ITPR2: variants seen among roughly 807,000 people sequenced by gnomAD.
ITPR2 encodes inositol 1,4,5-trisphosphate receptor type 2, also known as inositol 1,4,5-trisphosphate-gated calcium channel ITPR2.
ITPR2 carries 207 observed loss-of-function variants against 317.1 expected under a neutral mutation model. That is an observed-to-expected ratio of 0.65 (90% confidence interval 0.58 to 0.73). The LOEUF (loss-of-function observed/expected upper bound fraction) is 0.73. Among genes scored for constraint, ITPR2 ranks in the 30% least tolerant of loss-of-function variants. The pLI is 0.00. For synonymous variants in ITPR2, 1,156 were observed against 1,149.1 expected, an observed-to-expected ratio of 1.01 and a Z score of -0.12; for missense variants, 2,613 against 3,284.0, an observed-to-expected ratio of 0.80 and a Z score of 4.99.
chr12:26,741,172 T>C (rs369208688), intron 2 of ITPR2, among the ~76,000 whole-genome samples: 5 of 152,330 alleles, frequency 3.3e-5, no homozygotes, highest in African/African-American at 9.6e-5. Context: ...GGGGGAGAGC[T>C]TGGGGTGAGC....
intron 55 of ITPR2, among the ~76,000 whole-genome samples, chr12:26,352,825 G>T (rs1938523459): frequency 1.3e-5 from 2 of 152,236 alleles, no homozygotes; most frequent in Admixed American, 1.3e-4. Context: ...TCAGAGAAGA[G>T]AACTGGGTTG....
At chr12:26,487,403 T>C in intron 39 of ITPR2, 152 bp from the exon 40 acceptor site, 1 of 577,998 alleles carries the variant, frequency 1.7e-6, no homozygotes. Context: ...GCCAGTTTCT[T>C]GTACTATTTA....
intron 2 of ITPR2, among the ~76,000 whole-genome samples, chr12:26,743,467 GA>G (rs1949269950): frequency 6.6e-6 from 1 of 151,940 alleles, no homozygotes; most frequent in Admixed American, 6.5e-5. Flanking sequence ...AGATATTTTA[GA>G]AAAAAATATT....
At chr12:26,471,409 G>T (rs893680448) in intron 45 of ITPR2, among the ~76,000 whole-genome samples, 1 of 152,190 alleles carries the variant, frequency 6.6e-6, no homozygotes, top group Non-Finnish European at 1.5e-5. Flanking sequence ...ATGGGGCAGA[G>T]AGACATAAGG....
At chr12:26,602,287 GA>G in intron 28 of ITPR2, 82 bp downstream of exon 28, 1 of 1,469,250 alleles carries the variant, frequency 6.8e-7, no homozygotes, top group Non-Finnish European at 9.2e-7. Flanking sequence ...AATTAAGAAA[GA>G]AAAAATTTCT....
chr12:26,688,112 T>C (rs568277593), intron 10 of ITPR2, among the ~76,000 whole-genome samples: 63 of 152,236 alleles, frequency 4.1e-4, no homozygotes, highest in Non-Finnish European at 6.5e-4. Flanking sequence ...CAAGGCTCAC[T>C]ATAGTCTCGC....
At chr12:26,791,819 A>G (rs1372521089) in intron 1 of ITPR2, among the ~76,000 whole-genome samples, 3 of 152,204 alleles carry the variant, frequency 2.0e-5, no homozygotes, top group Non-Finnish European at 4.4e-5. Context: ...ATAATATTAC[A>G]ACGTAAGATG....
intron 26 of ITPR2, among the ~76,000 whole-genome samples, chr12:26,617,714 G>GAGAA (rs1304782144): frequency 0.029 from 3,459 of 120,234 alleles, 52 homozygotes; most frequent in Non-Finnish European, 0.046. Flanking sequence ...GAAGGAAGGA[G>GAGAA]GGAAGGAGGA....
intron 53 of ITPR2, 82 bp downstream of exon 53, chr12:26,400,046 C>A: frequency 1.4e-6 from 2 of 1,416,836 alleles, no homozygotes; most frequent in Non-Finnish European, 1.9e-6. Context: ...TTCCTGAAAA[C>A]CAAAACTAAA....
chr12:26,538,736 C>T (rs1944172541), intron 37 of ITPR2, among the ~76,000 whole-genome samples: 1 of 151,986 alleles, frequency 6.6e-6, no homozygotes, highest in African/African-American at 2.4e-5. Context: ...ACCACCATGC[C>T]AGGCTAATTT....
intron 37 of ITPR2, among the ~76,000 whole-genome samples, chr12:26,541,347 G>A (rs571904532): frequency 4.6e-5 from 7 of 151,784 alleles, no homozygotes; most frequent in Non-Finnish European, 1.0e-4. Context: ...ACACATGCAG[G>A]TGCACACAAC....
chr12:26,722,357 T>C (rs1357705461), intron 5 of ITPR2, 40 bp downstream of exon 5: 1 of 1,528,232 alleles, frequency 6.5e-7, no homozygotes, highest in Admixed American at 2.0e-5. Flanking sequence ...TCATTTTCTT[T>C]ATGAACCCAC....
intron 32 of ITPR2, among the ~76,000 whole-genome samples, chr12:26,594,330 T>C (rs914150694): frequency 1.3e-5 from 2 of 151,954 alleles, no homozygotes; most frequent in Non-Finnish European, 2.9e-5. Context: ...GAATAACGTA[T>C]GATTCATTGT....
intron 37 of ITPR2, among the ~76,000 whole-genome samples, chr12:26,503,999 T>C (rs1351232570): frequency 1.3e-5 from 2 of 152,208 alleles, no homozygotes; most frequent in Non-Finnish European, 1.5e-5. Flanking sequence ...GAAAGACTAC[T>C]TTGAAGCCAA....
chr12:26,408,424 A>G (rs1940428946), intron 52 of ITPR2, among the ~76,000 whole-genome samples: 2 of 152,238 alleles, frequency 1.3e-5, no homozygotes, highest in Admixed American at 6.5e-5. Context: ...AATAATTACA[A>G]TAGACCATTT....
intron 15 of ITPR2, among the ~76,000 whole-genome samples, chr12:26,661,273 T>TA (rs1947491447): frequency 7.0e-5 from 1 of 14,294 alleles, no homozygotes; most frequent in African/African-American, 1.7e-4. Context: ...GGGGTGTGTG[T>TA]GTGGGGGGGG....
rs544367125 is a variant in ITPR2, at chr12:26,485,591, T to C, written c.5811+513A>G. Among the ~76,000 whole-genome samples the C allele has an allele frequency of 2.6e-5, 4 of 152,364 alleles. No individual in the cohort carries two copies. In the South Asian group the frequency reaches 8.3e-4, roughly 32 times the overall value. ...AAAGGAAAATGCAGGAAAGAAGATATGACACTGACTACATTCATTTTTGAA... is the reference window on the plus strand; with the variant it reads ...AAAGGAAAATGCAGGAAAGAAGATACGACACTGACTACATTCATTTTTGAA... On this transcript the variant is annotated intron_variant, in intron 41 of 56. Transcript: ENST00000381340.
chr12:26,597,306 C>T (rs956146568), intron 30 of ITPR2, among the ~76,000 whole-genome samples, 172 bp from the exon 31 acceptor site: 1 of 152,074 alleles, frequency 6.6e-6, no homozygotes, highest in Non-Finnish European at 1.5e-5. Context: ...GGTCCCATGC[C>T]AAGGAACCAG....
chr12:26,731,506 T>C (rs1296181110), intron 2 of ITPR2, among the ~76,000 whole-genome samples: 1 of 152,068 alleles, frequency 6.6e-6, no homozygotes, highest in Non-Finnish European at 1.5e-5. Context: ...CACTAGAAAT[T>C]AGAATTCAGG....
Sources: gnomAD v4.1 joint callset for allele counts (sites outside exome capture counted in the v4.1 genomes callset) on GRCh38, gnomAD v4.1.1 for gene constraint, MANE v1.5 for transcripts, NCBI Gene and HGNC (gene_info 2026-07-23, HGNC 2026-07-21) for gene names.